The following DOCK7 variants were observed in gnomAD, a reference collection of about 807,000 sequenced individuals.
DOCK7 encodes dedicator of cytokinesis protein 7.
Under a neutral mutation model 271.0 loss-of-function variants are expected in DOCK7, and 138 were observed. The observed-to-expected ratio is 0.51, with a 90% CI of 0.44 to 0.59. The LOEUF is 0.59. Among genes scored for constraint, DOCK7 ranks in the 20% least tolerant of loss-of-function variants. The pLI is 0.00. For synonymous variants in DOCK7, 823 were observed against 876.1 expected (o/e 0.94, Z 1.07); for missense variants, 2,066 against 2,592.4 (o/e 0.80, Z 4.41).
At chr1:62,493,067 T>G (rs138505663) in intron 40 of DOCK7, among the ~76,000 whole-genome samples, 2 of 152,090 alleles carry the variant, frequency 1.3e-5, no homozygotes, top group African/African-American at 4.8e-5. Flanking sequence ...TAATAAAAAG[T>G]TGTATGAAAG....
chr1:62,564,183 T>G (rs959884541), intron 18 of DOCK7, among the ~76,000 whole-genome samples: 1 of 152,110 alleles, frequency 6.6e-6, no homozygotes, highest in African/African-American at 2.4e-5. Flanking sequence ...ACAAGGGTAT[T>G]CAGGACCTGA....
intron 48 of DOCK7, chr1:62,459,305 G>A (rs778546652): frequency 1.3e-5 from 2 of 149,730 alleles, no homozygotes; most frequent in Admixed American, 6.7e-5. Flanking sequence ...GCAGTGGCAT[G>A]ATCTCTGCTC....
At position 62,683,030 on chromosome 1, in the gene DOCK7, G is replaced by A. The variant is rs141339372; in HGVS notation, c.38+5197C>T. On this transcript the variant is annotated intron_variant, in intron 1 of 49. Transcript: ENST00000635253. ...AGTAGTATGCTAAGGTTAAAATGAA[G>A]GACTAATGGTAGTCCCAAACTTTTC... Among the ~76,000 whole-genome samples, 584 of 152,184 alleles carry A rather than the reference G, an allele frequency of 3.8e-3. 6 individuals carry two copies. Among genetic ancestry groups the A allele is most frequent in the African/African-American group, 0.013 (531 of 41,516 alleles).
At chr1:62,584,301 G>C in intron 15 of DOCK7, 4 of 977,432 alleles carry the variant, frequency 4.1e-6, no homozygotes, top group Non-Finnish European at 4.9e-6. Context: ...AAATACCTTA[G>C]TATGTTTTCA....
At chr1:62,518,657 T>A (rs979763044) in intron 31 of DOCK7, among the ~76,000 whole-genome samples, 3 of 147,886 alleles carry the variant, frequency 2.0e-5, no homozygotes, top group Non-Finnish European at 4.5e-5. Flanking sequence ...GGAGAATCAC[T>A]TGAACCTGGG....
intron 1 of DOCK7, among the ~76,000 whole-genome samples, chr1:62,670,333 C>T (rs1447419920): frequency 6.6e-6 from 1 of 151,882 alleles, no homozygotes; most frequent in South Asian, 2.1e-4. Flanking sequence ...GGATCCACTA[C>T]GTGAAGCCAG....
chr1:62,500,671 G>A (rs944162424), intron 37 of DOCK7, among the ~76,000 whole-genome samples: 3 of 151,990 alleles, frequency 2.0e-5, no homozygotes, highest in Admixed American at 6.6e-5. Context: ...TATTTAAAAC[G>A]GAGAAAAATA....
At chr1:62,485,773 T>C in intron 43 of DOCK7, 1 of 872,482 alleles carries the variant, frequency 1.1e-6, no homozygotes, top group Non-Finnish European at 1.4e-6. Flanking sequence ...CAGCAAATGG[T>C]AGAAAACACA....
chr1:62,512,472 G>A (rs1644515786), intron 33 of DOCK7, among the ~76,000 whole-genome samples: 1 of 152,160 alleles, frequency 6.6e-6, no homozygotes, highest in South Asian at 2.1e-4. Context: ...ACTTGGCCAA[G>A]GTTATTTGGC....
intron 29 of DOCK7, among the ~76,000 whole-genome samples, chr1:62,532,120 C>T (rs895530711): frequency 4.6e-5 from 7 of 152,294 alleles, no homozygotes; most frequent in African/African-American, 4.8e-5. Context: ...CTGTAACCTC[C>T]GCCTCCCAGC....
chr1:62,624,884 A>G (rs984972946), intron 12 of DOCK7, among the ~76,000 whole-genome samples: 3 of 152,198 alleles, frequency 2.0e-5, no homozygotes, highest in African/African-American at 7.2e-5. Context: ...GGCAGGGAGA[A>G]CTGCTTGAAC....
Position 62,565,613 on chromosome 1 carries a change from A to C in DOCK7, c.2113-3910T>G, listed in dbSNP as rs542017924. ...ACCCACAGCCAATACCATACTGAAT[A>C]GGCGAAAACTGGAAGCATCCCCTTT... is the stretch of plus-strand genomic sequence containing the variant. On this transcript the variant is annotated intron_variant, in intron 18 of 49. Coordinates refer to ENST00000635253, the MANE Select transcript of DOCK7 (RefSeq NM_001367561.1). Among the ~76,000 whole-genome samples the C allele has an allele frequency of 3.3e-5, 5 of 152,256 alleles. No individual in the cohort carries two copies. In the East Asian group the frequency reaches 7.7e-4, roughly 23 times the overall value.
rs571649200 is a variant in DOCK7, at chr1:62,536,681, G to A, written c.3472-1049C>T. 6.6e-5 allele frequency among the ~76,000 whole-genome samples: 10 copies of A among 152,000 alleles called. No homozygotes were observed. The South Asian group carries it at 2.1e-3, about 32-fold the overall frequency. On this transcript the variant is annotated intron_variant, in intron 28 of 49. Coordinates refer to ENST00000635253, the MANE Select transcript of DOCK7 (RefSeq NM_001367561.1). Reference sequence around the variant, plus strand: ...GTTTAAATTTTGTTTTTTAAATCACGCATATGAGATATCACCTACAGAATC... The same window carrying A: ...GTTTAAATTTTGTTTTTTAAATCACACATATGAGATATCACCTACAGAATC...
intron 40 of DOCK7, among the ~76,000 whole-genome samples, chr1:62,493,488 T>C (rs1646524555): frequency 6.6e-6 from 1 of 152,200 alleles, no homozygotes; most frequent in Non-Finnish European, 1.5e-5. Context: ...ACACTCTTTT[T>C]AAAGATTTCA....
chr1:62,681,562 A>G (rs71643640), intron 1 of DOCK7, among the ~76,000 whole-genome samples: 3 of 150,608 alleles, frequency 2.0e-5, no homozygotes, highest in African/African-American at 7.3e-5. Context: ...AAATAAAAAT[A>G]CAAAAAAAAA....
chr1:62,597,676 T>G, intron 14 of DOCK7: 1 of 1,613,554 alleles, frequency 6.2e-7, no homozygotes, highest in Non-Finnish European at 8.5e-7. Flanking sequence ...AAATCAAGAT[T>G]TGCTATGTTA....
At chr1:62,560,111 T>G (rs1396656795) in intron 19 of DOCK7, among the ~76,000 whole-genome samples, 1 of 152,120 alleles carries the variant, frequency 6.6e-6, no homozygotes, top group Non-Finnish European at 1.5e-5. Context: ...ATGAGCCTTT[T>G]CCCTTTGTGA....
At chr1:62,539,723 G>A in intron 26 of DOCK7, 29 bp downstream of exon 26, 1 of 1,611,152 alleles carries the variant, frequency 6.2e-7, no homozygotes, top group Non-Finnish European at 8.5e-7. Flanking sequence ...GCTTGAAAGA[G>A]AGATAAGTGG....
intron 14 of DOCK7, chr1:62,598,843 C>T (rs1649686148): frequency 7.9e-7 from 1 of 1,265,008 alleles, no homozygotes; most frequent in African/African-American, 1.5e-5. Flanking sequence ...CCATCTTTCA[C>T]ACAGGTCTGT....
Sources: allele counts gnomAD v4.1 joint callset (sites outside exome capture counted in the v4.1 genomes callset), GRCh38; gene constraint gnomAD v4.1.1; transcripts MANE v1.5; gene names NCBI Gene and HGNC (gene_info 2026-07-23, HGNC 2026-07-21).